The following SPIRE1 variants were observed in gnomAD, a reference collection of about 807,000 sequenced individuals.
SPIRE1 encodes protein spire homolog 1.
A neutral mutation model predicts 94.1 loss-of-function variants in SPIRE1; 40 were observed. The ratio of observed to expected loss-of-function variants is 0.43; its 90% CI spans 0.33 to 0.55. SPIRE1 has a LOEUF of 0.55. Among genes scored for constraint, SPIRE1 ranks in the 20% least tolerant of loss-of-function variants. The probability of loss-of-function intolerance (pLI) is 0.06; values close to 1 mark genes in which losing one functional copy is unlikely to be tolerated. For missense variants in SPIRE1, 838 were observed against 975.2 expected (o/e 0.86, Z 1.87); for synonymous variants, 376 against 371.7 (o/e 1.01, Z -0.13).
At position 12,573,296 on chromosome 18, in the gene SPIRE1, T is replaced by G. The variant is rs138400946; in HGVS notation, c.373-26392A>C. On this transcript the variant is annotated intron_variant, in intron 2 of 16. Transcript: ENST00000409402. ...TTACAACGAGATACTACTACACCCCTCCGAGAGTAACTAAAATATAAAATA... is the reference window on the plus strand; with the variant it reads ...TTACAACGAGATACTACTACACCCCGCCGAGAGTAACTAAAATATAAAATA... 1.1e-3 allele frequency among the ~76,000 whole-genome samples: 168 copies of G among 152,136 alleles called. 5 individuals carry two copies. In the South Asian group the frequency reaches 0.011, roughly 10 times the overall value.
At chr18:12,524,154 G>C (rs1453413603) in intron 4 of SPIRE1, among the ~76,000 whole-genome samples, 1 of 152,062 alleles carries the variant, frequency 6.6e-6, no homozygotes, top group Admixed American at 6.5e-5. Flanking sequence ...ATATGTATTG[G>C]ATTATATTGT....
intron 2 of SPIRE1, among the ~76,000 whole-genome samples, chr18:12,547,252 A>G (rs2035200565): frequency 6.6e-6 from 1 of 152,224 alleles, no homozygotes; most frequent in Non-Finnish European, 1.5e-5. Context: ...ACTTACGGGT[A>G]GCAATTAACT....
chr18:12,549,808 C>T (rs2035297347), intron 2 of SPIRE1, among the ~76,000 whole-genome samples: 1 of 152,164 alleles, frequency 6.6e-6, no homozygotes, highest in African/African-American at 2.4e-5. Flanking sequence ...CTATCTCTCC[C>T]TCTAGAGCTG....
At chr18:12,610,300 C>T (rs2037103228) in intron 2 of SPIRE1, among the ~76,000 whole-genome samples, 2 of 152,160 alleles carry the variant, frequency 1.3e-5, no homozygotes, top group Non-Finnish European at 2.9e-5. Flanking sequence ...TTGTCCTCCA[C>T]CTGATCTCAG....
Position 12,449,325 on chromosome 18 carries a change from A to C in SPIRE1, c.*313T>G. On this transcript the variant is annotated 3_prime_UTR_variant, in exon 17 of 17. Transcript: ENST00000409402. ...GCTTTTTTTTTTTGCCTTAGTCAGG[A>C]GATTATTCGAGGAACAGTAAAGAAC... 3.5e-6 allele frequency: 1 copy of C among 284,196 alleles called. No individual in the cohort carries two copies. 17.6% of individuals were successfully genotyped at this position (284,196 alleles called of 1,614,324 possible). A position where few individuals can be genotyped will look rare whatever the true frequency, so the allele number is the denominator to read the frequency against.
intron 12 of SPIRE1, among the ~76,000 whole-genome samples, chr18:12,461,021 G>C (rs2031772979): frequency 6.6e-6 from 1 of 152,006 alleles, no homozygotes. Flanking sequence ...CCCACTGCCT[G>C]CTCACTGAGA....
intron 2 of SPIRE1, among the ~76,000 whole-genome samples, chr18:12,611,094 T>C (rs2037128511): frequency 6.6e-6 from 1 of 152,338 alleles, no homozygotes; most frequent in Admixed American, 6.5e-5. Context: ...GGATCGTTAC[T>C]GGTGCAACAA....
chr18:12,490,245 A>C (rs1443541007), intron 8 of SPIRE1, among the ~76,000 whole-genome samples: 1 of 152,202 alleles, frequency 6.6e-6, no homozygotes, highest in Non-Finnish European at 1.5e-5. Context: ...AATTATTCTA[A>C]AGTAGGGTTC....
At chr18:12,476,367 C>T (rs1484268882) in intron 10 of SPIRE1, among the ~76,000 whole-genome samples, 1 of 151,182 alleles carries the variant, frequency 6.6e-6, no homozygotes, top group African/African-American at 2.4e-5. Context: ...GGTGAAACCC[C>T]ATCTCTAATA....
At chr18:12,459,808 C>A (rs2031695400) in intron 12 of SPIRE1, 1 of 985,756 alleles carries the variant, frequency 1.0e-6, no homozygotes, top group Admixed American at 6.2e-5. Context: ...TAATACATAG[C>A]CCCTGCTACC....
chr18:12,529,331 T>C (rs1567911969), intron 4 of SPIRE1, among the ~76,000 whole-genome samples: 2 of 149,914 alleles, frequency 1.3e-5, no homozygotes, highest in Non-Finnish European at 3.0e-5. Flanking sequence ...ATTGCGCCAC[T>C]GCACTCCAGC....
chr18:12,506,538 G>A lies in SPIRE1; in HGVS notation c.911C>T (p.Thr304Ile). The change falls in exon 6 of 17, where the codon ACC becomes ATC. Residue 304 changes from threonine (T) to isoleucine (I), a missense_variant. Physicochemically the swap from Thr to Ile is moderately conservative, Grantham distance 89. Coordinates refer to ENST00000409402, the MANE Select transcript of SPIRE1 (RefSeq NM_001128626.2). ...GTCATCCATTAACATCTCATAAGGG[G>A]TGAGCTGATATTCAATGGGCAAAGG... ...YNPLPIEYQL[T>I]PYEMLMDDIR... is the part of the protein sequence containing the mutation. The A allele has an allele frequency of 6.2e-7, 1 of 1,613,850 alleles. No homozygotes were observed. Among genetic ancestry groups the A allele is most frequent in the Non-Finnish European group, 8.5e-7 (1 of 1,179,824 alleles).
chr18:12,658,920 T>G, upstream of SPIRE1: 1 of 255,532 alleles, frequency 3.9e-6, no homozygotes, highest in East Asian at 1.2e-4. Context: ...CATTGGTCCC[T>G]TCCCTCACTA....
chr18:12,650,623 T>A (rs1398455834), intron 1 of SPIRE1, among the ~76,000 whole-genome samples: 2 of 149,524 alleles, frequency 1.3e-5, no homozygotes, highest in Non-Finnish European at 3.0e-5. Context: ...GGCAGGAGAA[T>A]CGCTTGAACC....
chr18:12,544,702 A>G (rs1382956101), intron 3 of SPIRE1, among the ~76,000 whole-genome samples: 1 of 152,192 alleles, frequency 6.6e-6, no homozygotes, highest in African/African-American at 2.4e-5. Flanking sequence ...AATGATAGCA[A>G]TAAGTTAGGG....
At chr18:12,536,026 T>C (rs531108731) in intron 3 of SPIRE1, among the ~76,000 whole-genome samples, 1 of 152,156 alleles carries the variant, frequency 6.6e-6, no homozygotes, top group African/African-American at 2.4e-5. Flanking sequence ...AGCCAGGCAA[T>C]TCCCATCATC....
intron 10 of SPIRE1, among the ~76,000 whole-genome samples, chr18:12,469,715 TTTATATAAATATAA>T (rs1010781736): frequency 2.8e-5 from 4 of 143,952 alleles, no homozygotes; most frequent in African/African-American, 1.0e-4. Context: ...TATAAATATA[TTTATATAAATATAA>T]TTATATATTA....
chr18:12,660,195 G>A (rs2038667519), upstream of SPIRE1, among the ~76,000 whole-genome samples: 1 of 152,078 alleles, frequency 6.6e-6, no homozygotes. Flanking sequence ...GCATAGAGCA[G>A]TAAATAAATC....
At chr18:12,452,979 G>A in intron 14 of SPIRE1, 89 bp downstream of exon 14, 1 of 825,604 alleles carries the variant, frequency 1.2e-6, no homozygotes, top group Admixed American at 3.1e-5. Flanking sequence ...TTTTATTCCT[G>A]TTTAGAAAGA....
Sources: allele counts gnomAD v4.1 joint callset (sites outside exome capture counted in the v4.1 genomes callset), GRCh38; gene constraint gnomAD v4.1.1; transcripts MANE v1.5; gene names NCBI Gene and HGNC (gene_info 2026-07-23, HGNC 2026-07-21).